Variants in TTC39C observed in about 807,000 individuals in gnomAD.
The protein encoded by TTC39C is tetratricopeptide repeat domain 39C, also known as tetratricopeptide repeat protein 39C.
In TTC39C, 33 loss-of-function variants were observed where a neutral mutation model predicts 76.3. The observed-to-expected ratio is 0.43, with a 90% CI of 0.33 to 0.58. TTC39C has a LOEUF of 0.58. TTC39C is among the 20% of genes least tolerant of loss of function. TTC39C has a pLI of 0.04. For missense variants in TTC39C, 595 were observed against 701.4 expected (o/e 0.85, Z 1.71); for synonymous variants, 254 against 260.6 (o/e 0.97, Z 0.24).
At chr18:24,060,123 C>G (rs1008222945) in intron 1 of TTC39C, among the ~76,000 whole-genome samples, 3 of 152,076 alleles carry the variant, frequency 2.0e-5, no homozygotes, top group South Asian at 4.1e-4. Context: ...GTATTTCTGC[C>G]TCTAGGTCTT....
intron 1 of TTC39C, 198 bp downstream of exon 1, chr18:24,015,236 C>G (rs2083439622): frequency 4.1e-6 from 2 of 482,446 alleles, no homozygotes; most frequent in Admixed American, 8.9e-5. Context: ...CTACCCCCGG[C>G]TCCGTTGTCC....
chr18:24,054,693 A>G (rs1202200546), intron 1 of TTC39C, among the ~76,000 whole-genome samples: 2 of 152,208 alleles, frequency 1.3e-5, no homozygotes, highest in African/African-American at 4.8e-5. Context: ...TTTATGAGTC[A>G]TTTATTCTAT....
intron 1 of TTC39C, chr18:24,006,501 C>A (rs576557839): frequency 2.4e-4 from 32 of 134,872 alleles, no homozygotes; most frequent in African/African-American, 8.2e-4. Flanking sequence ...TGAAGATGGA[C>A]GTGAAAGTAA....
chr18:24,109,503 A>G (rs1267873663), intron 6 of TTC39C, among the ~76,000 whole-genome samples: 1 of 152,198 alleles, frequency 6.6e-6, no homozygotes, highest in African/African-American at 2.4e-5. Flanking sequence ...CTGTGTGGCC[A>G]TTAAGAAAAA....
At chr18:24,038,821 C>G (rs754638501) in intron 1 of TTC39C, among the ~76,000 whole-genome samples, 14 of 152,256 alleles carry the variant, frequency 9.2e-5, no homozygotes, top group South Asian at 6.2e-4. Flanking sequence ...GCCATGTTCT[C>G]ACATGGCCTT....
intron 6 of TTC39C, among the ~76,000 whole-genome samples, chr18:24,089,370 A>G (rs946381167): frequency 5.9e-5 from 9 of 152,150 alleles, no homozygotes; most frequent in African/African-American, 2.2e-4. Context: ...AATTCCCTAA[A>G]GTTCTGTTCA....
At position 24,027,954 on chromosome 18, in the gene TTC39C, A is replaced by C. The variant is rs544319416; in HGVS notation, c.167+12916A>C. Among the ~76,000 whole-genome samples, 229 of 152,208 alleles carry C rather than the reference A, an allele frequency of 1.5e-3. 3 individuals are homozygous for C. Among genetic ancestry groups the C allele is most frequent in the Non-Finnish European group, 2.6e-3 (177 of 68,008 alleles). On this transcript the variant is annotated intron_variant, in intron 1 of 13. Transcript: ENST00000317571. ...AATTGGGCTACTGACTTTTTTCCACATTATAGCCAGGTTTGCACAGAAAAG... is the reference window on the plus strand; with the variant it reads ...AATTGGGCTACTGACTTTTTTCCACCTTATAGCCAGGTTTGCACAGAAAAG...
At chr18:24,001,749 T>C (rs2083311781) in intron 1 of TTC39C, 1 of 151,914 alleles carries the variant, frequency 6.6e-6, no homozygotes, top group Admixed American at 6.6e-5. Flanking sequence ...TTGGAATAGG[T>C]AAGAGGAAGT....
chr18:24,081,074 A>T (rs1273921930), intron 5 of TTC39C, 135 bp downstream of exon 5: 2 of 754,970 alleles, frequency 2.6e-6, no homozygotes, highest in Non-Finnish European at 4.2e-6. Flanking sequence ...ATGTCTTTCA[A>T]TGCAACACCA....
chr18:24,079,770 G>A (rs2084353799), intron 4 of TTC39C, among the ~76,000 whole-genome samples: 1 of 149,718 alleles, frequency 6.7e-6, no homozygotes, highest in Non-Finnish European at 1.5e-5. Context: ...TTGGCAAGAC[G>A]CAATGCTTGG....
At chr18:24,079,022 T>G (rs2084342418) in intron 4 of TTC39C, among the ~76,000 whole-genome samples, 2 of 152,224 alleles carry the variant, frequency 1.3e-5, no homozygotes, top group African/African-American at 4.8e-5. Context: ...AGATTTTATT[T>G]TATTTCATAT....
rs1164174709 is a variant in TTC39C, at chr18:24,129,039, A to G, written c.1518+56A>G. On this transcript the variant is annotated intron_variant, in intron 11 of 13. Coordinates refer to ENST00000317571, the MANE Select transcript of TTC39C (RefSeq NM_001135993.2). ...AAATAAGTCACGAACACCTACGTAT[A>G]TGCTTGTGAATAAGAAAAATGAAAA... 7 of 1,331,198 alleles carry G rather than the reference A, an allele frequency of 5.3e-6. No individual in the cohort carries two copies. The South Asian group carries it at 6.5e-5, about 12-fold the overall frequency. 82.5% of individuals were successfully genotyped at this position (1,331,198 alleles called of 1,614,324 possible). A position where few individuals can be genotyped will look rare whatever the true frequency, so the allele number is the denominator to read the frequency against.
chr18:24,093,446 T>C (rs1432236586), intron 6 of TTC39C, among the ~76,000 whole-genome samples: 1 of 148,842 alleles, frequency 6.7e-6, no homozygotes, highest in African/African-American at 2.5e-5. Context: ...GCCACTGCAC[T>C]CCAGCCTGGG....
chr18:24,027,664 A>G (rs1332941338), intron 1 of TTC39C, among the ~76,000 whole-genome samples: 3 of 150,918 alleles, frequency 2.0e-5, no homozygotes, highest in Admixed American at 1.3e-4. Context: ...GGCTCAAACC[A>G]TCCTCCCGCC....
At chr18:24,132,462 A>C in intron 13 of TTC39C, 23 bp from the exon 14 acceptor site, 1 of 1,610,758 alleles carries the variant, frequency 6.2e-7, no homozygotes, top group Non-Finnish European at 8.5e-7. Flanking sequence ...AGAGTGCATA[A>C]ATATCTTTCT....
chr18:24,050,391 G>A (rs1020160379), intron 1 of TTC39C, among the ~76,000 whole-genome samples: 1 of 151,766 alleles, frequency 6.6e-6, no homozygotes, highest in Non-Finnish European at 1.5e-5. Context: ...ACAACACGAC[G>A]GAATCCTGTC....
intron 4 of TTC39C, among the ~76,000 whole-genome samples, chr18:24,073,052 G>T (rs1176518182): frequency 6.6e-6 from 1 of 152,154 alleles, no homozygotes; most frequent in East Asian, 1.9e-4. Context: ...CCTTAGTTTG[G>T]TTACTTGTGC....
intron 1 of TTC39C, among the ~76,000 whole-genome samples, chr18:24,047,806 T>C (rs1377008031): frequency 6.6e-6 from 1 of 152,230 alleles, no homozygotes; most frequent in African/African-American, 2.4e-5. Context: ...TTATAAAATA[T>C]AACAGCTCTG....
At position 24,123,824 on chromosome 18, in the gene TTC39C, T is replaced by C; in HGVS notation, c.1187-10T>C. 6.3e-7 allele frequency: 1 copy of C among 1,597,286 alleles called. No individual in the cohort carries two copies. The highest frequency in any genetic ancestry group is 8.5e-7 in the Non-Finnish European group (1 of 1,170,968). ...TTGTACTTAAGAAATATAATTATGG[T>C]TTCTTACAGTTTGTCAGGGAGCCAC... On this transcript the variant is annotated splice_polypyrimidine_tract_variant and intron_variant, in intron 8 of 13. Transcript: ENST00000317571.
Sources: allele counts gnomAD v4.1 joint callset (sites outside exome capture counted in the v4.1 genomes callset), GRCh38; gene constraint gnomAD v4.1.1; transcripts MANE v1.5; gene names NCBI Gene and HGNC (gene_info 2026-07-23, HGNC 2026-07-21).